GALNT17: variants seen among roughly 807,000 people sequenced by gnomAD.
The protein encoded by GALNT17 is UDP-GalNAc:polypeptide N-acetylgalactosaminyltransferase-like 3.
A neutral mutation model predicts 63.7 loss-of-function variants in GALNT17; 29 were observed. That is an observed-to-expected ratio of 0.46 (90% CI 0.34 to 0.62). The LOEUF is 0.62. Ranked by LOEUF, GALNT17 falls within the 20% of genes least tolerant of loss-of-function variation. The probability of loss-of-function intolerance (pLI) is 0.01; values close to 1 mark genes in which losing one functional copy is unlikely to be tolerated. For synonymous variants in GALNT17, 305 were observed against 318.3 expected (o/e 0.96, Z 0.45); for missense variants, 603 against 799.6 (o/e 0.75, Z 2.97).
chr7:71,681,926 T>G (rs1791272016), intron 9 of GALNT17, among the ~76,000 whole-genome samples: 1 of 152,028 alleles, frequency 6.6e-6, no homozygotes, highest in South Asian at 2.1e-4. Context: ...TGTTTTTGTT[T>G]GTTTGTTTGT....
At chr7:71,377,098 AAATAAAAATAAAAAAAAT>A (rs1245216680) in intron 2 of GALNT17, among the ~76,000 whole-genome samples, 10 of 60,630 alleles carry the variant, frequency 1.6e-4, no homozygotes, top group Non-Finnish European at 2.9e-4. Flanking sequence ...AAAAAAAAAA[AAATAAAAATAAAAAAAAT>A]ATATATATAT....
chr7:71,678,131 T>C (rs1791180480), intron 9 of GALNT17, among the ~76,000 whole-genome samples: 1 of 151,560 alleles, frequency 6.6e-6, no homozygotes, highest in Admixed American at 6.6e-5. Flanking sequence ...TTTATTTATC[T>C]GTTTATTTTT....
At chr7:71,662,837 A>C (rs1338392829) in intron 6 of GALNT17, among the ~76,000 whole-genome samples, 2 of 152,150 alleles carry the variant, frequency 1.3e-5, no homozygotes, top group Admixed American at 6.5e-5. Flanking sequence ...TAAGAGTTTT[A>C]TAGTTTTAGC....
intron 1 of GALNT17, among the ~76,000 whole-genome samples, chr7:71,144,885 T>C (rs995640941): frequency 1.4e-4 from 21 of 152,160 alleles, no homozygotes; most frequent in Admixed American, 5.2e-4. Context: ...CATGCCACCA[T>C]GCCAGGCTAA....
At chr7:71,602,900 C>T (rs1789986148) in intron 6 of GALNT17, among the ~76,000 whole-genome samples, 1 of 152,114 alleles carries the variant, frequency 6.6e-6, no homozygotes, top group Admixed American at 6.5e-5. Context: ...TGTGCCGAGT[C>T]CACACACTAA....
chr7:71,310,945 A>G (rs929641209), intron 1 of GALNT17, among the ~76,000 whole-genome samples: 1 of 152,244 alleles, frequency 6.6e-6, no homozygotes, highest in Non-Finnish European at 1.5e-5. Flanking sequence ...ACACTAGTCC[A>G]GTAAATCCTG....
intron 9 of GALNT17, among the ~76,000 whole-genome samples, chr7:71,679,688 G>C (rs1453880981): frequency 6.6e-6 from 1 of 151,990 alleles, no homozygotes; most frequent in African/African-American, 2.4e-5. Context: ...AGGCAGCAGA[G>C]AGGTGGAGAG....
At chr7:71,557,411 G>A (rs138218704) in intron 5 of GALNT17, among the ~76,000 whole-genome samples, 61 of 152,184 alleles carry the variant, frequency 4.0e-4, no homozygotes, top group African/African-American at 1.4e-3. Context: ...AGTTGAAGAG[G>A]GATTATTGCC....
intron 9 of GALNT17, among the ~76,000 whole-genome samples, chr7:71,694,596 A>G (rs1000105114): frequency 5.3e-5 from 8 of 152,166 alleles, no homozygotes; most frequent in African/African-American, 1.4e-4. Context: ...GGGTTTCACC[A>G]TGTTGGCCAG....
chr7:71,366,043 C>T (rs1173214087), intron 2 of GALNT17, among the ~76,000 whole-genome samples: 1 of 152,126 alleles, frequency 6.6e-6, no homozygotes, highest in East Asian at 1.9e-4. Flanking sequence ...CAACCTAGAT[C>T]CCTCGTATGC....
rs1339702055 is a variant in GALNT17 at position 71,388,267 on chromosome 7, C to T, written c.455C>T (p.Pro152Leu). The T allele has an allele frequency of 6.2e-7, 1 of 1,613,870 alleles. No individual in the cohort carries two copies. The highest frequency in any genetic ancestry group is 8.5e-7 in the Non-Finnish European group (1 of 1,179,984). ...GAGCTCAAGTACTCCAAGGACCTGC[C>T]CCAGATATCCATCATATTCATCTTC... is the stretch of plus-strand genomic sequence containing the variant. ...CKELKYSKDL[P>L]QISIIFIFVN... The change falls in exon 3 of 11, where the codon CCC becomes CTC. Residue 152 changes from proline (P) to leucine (L), a missense_variant. Transcript: ENST00000333538.
At position 71,349,952 on chromosome 7, in the gene GALNT17, A is replaced by G. The variant is rs765111623; in HGVS notation, c.422+14219A>G. Among the ~76,000 whole-genome samples, 3 of 152,220 alleles carry G rather than the reference A, an allele frequency of 2.0e-5. No homozygotes were observed. In the East Asian group the frequency reaches 5.8e-4, roughly 29 times the overall value. ...CATGGTTGCGCTTAGGCAATATTAGATAATCAGAAGTTTGAAGAGTCTTGG... is the reference window on the plus strand; with the variant it reads ...CATGGTTGCGCTTAGGCAATATTAGGTAATCAGAAGTTTGAAGAGTCTTGG... On this transcript the variant is annotated intron_variant, in intron 2 of 10. Coordinates refer to ENST00000333538, the MANE Select transcript of GALNT17 (RefSeq NM_022479.3).
At chr7:71,488,574 CTT>C (rs965444360) in intron 5 of GALNT17, among the ~76,000 whole-genome samples, 25 of 100,646 alleles carry the variant, frequency 2.5e-4, no homozygotes, top group East Asian at 8.6e-4. Context: ...ACTTGCCCTT[CTT>C]TTTTTTTTTT....
chr7:71,391,226 A>C (rs1455949907), intron 3 of GALNT17, among the ~76,000 whole-genome samples: 1 of 152,180 alleles, frequency 6.6e-6, no homozygotes, highest in East Asian at 1.9e-4. Context: ...CCCAGAGAGG[A>C]GCATGAACTG....
chr7:71,147,444 G>A (rs1321119792), intron 1 of GALNT17, among the ~76,000 whole-genome samples: 2 of 152,042 alleles, frequency 1.3e-5, no homozygotes, highest in Non-Finnish European at 2.9e-5. Flanking sequence ...ATTAGATGGT[G>A]CCCATCCAAA....
chr7:71,712,287 C>T lies in GALNT17; in HGVS notation c.*141C>T. ...CCCCCAGGGCTTCTCCAGGGCAGCA[C>T]AGGGACCCCGGATGAAGACTCTGTC... On this transcript the variant is annotated 3_prime_UTR_variant, in exon 11 of 11. Coordinates refer to ENST00000333538, the MANE Select transcript of GALNT17 (RefSeq NM_022479.3). 8.4e-7 allele frequency: 1 copy of T among 1,183,958 alleles called. No homozygotes were observed. The highest frequency in any genetic ancestry group is 1.6e-5 in the African/African-American group (1 of 64,470). The allele number at this position is 1,183,958 out of a possible 1,614,324, so 73.3% of individuals were successfully genotyped here. A position where few individuals can be genotyped will look rare whatever the true frequency, so the allele number is the denominator to read the frequency against.
chr7:71,317,207 C>A (rs1394559031), intron 1 of GALNT17, among the ~76,000 whole-genome samples: 1 of 152,136 alleles, frequency 6.6e-6, no homozygotes, highest in Non-Finnish European at 1.5e-5. Flanking sequence ...GAGCTGAAGT[C>A]ACCTGGAACA....
intron 6 of GALNT17, among the ~76,000 whole-genome samples, chr7:71,641,954 C>A (rs1790610015): frequency 6.6e-6 from 1 of 152,170 alleles, no homozygotes; most frequent in Non-Finnish European, 1.5e-5. Flanking sequence ...ACAGCAAGAT[C>A]TGGCTTCCAA....
intron 5 of GALNT17, among the ~76,000 whole-genome samples, chr7:71,558,031 G>A (rs562095994): frequency 1.4e-4 from 22 of 152,094 alleles, no homozygotes; most frequent in Non-Finnish European, 2.4e-4. Flanking sequence ...CTGAGATCAC[G>A]CCACTGCACT....
Sources: gnomAD v4.1 joint callset for allele counts (sites outside exome capture counted in the v4.1 genomes callset) on GRCh38, gnomAD v4.1.1 for gene constraint, MANE v1.5 for transcripts, NCBI Gene and HGNC (gene_info 2026-07-23, HGNC 2026-07-21) for gene names.